Variants in HTR2A observed in about 807,000 individuals in gnomAD.
HTR2A encodes 5-hydroxytryptamine receptor 2A.
HTR2A carries 14 observed loss-of-function variants against 31.0 expected under a neutral mutation model. That is an observed-to-expected ratio of 0.45 (90% CI 0.30 to 0.71). HTR2A has a LOEUF of 0.71. HTR2A is among the 30% of genes least tolerant of loss of function. The probability of loss-of-function intolerance (pLI) is 0.09; values close to 1 mark genes in which losing one functional copy is unlikely to be tolerated. For missense variants in HTR2A, 442 were observed against 573.3 expected (o/e 0.77, Z 2.34); for synonymous variants, 209 against 225.2 (o/e 0.93, Z 0.64).
intron 3 of HTR2A, among the ~76,000 whole-genome samples, chr13:46,864,429 A>G (rs1950804428): frequency 6.6e-6 from 1 of 152,128 alleles, no homozygotes; most frequent in African/African-American, 2.4e-5. Flanking sequence ...GTAATTATAA[A>G]TTCTTTCTTT....
At chr13:46,862,705 C>T (rs1338069010) in intron 3 of HTR2A, among the ~76,000 whole-genome samples, 2 of 152,148 alleles carry the variant, frequency 1.3e-5, no homozygotes, top group African/African-American at 4.8e-5. Flanking sequence ...TCTAGAAGTG[C>T]CCTCTAGTTG....
chr13:46,853,702 C>A (rs1240886324), intron 3 of HTR2A, among the ~76,000 whole-genome samples: 3 of 152,102 alleles, frequency 2.0e-5, no homozygotes, highest in Non-Finnish European at 2.9e-5. Flanking sequence ...GGCAGGCAGG[C>A]CCCTGTCCAG....
chr13:46,886,147 G>C (rs1488669562), intron 3 of HTR2A, among the ~76,000 whole-genome samples: 1 of 152,074 alleles, frequency 6.6e-6, no homozygotes, highest in African/African-American at 2.4e-5. Context: ...AGGTTATTTA[G>C]AAATTATTGG....
chr13:46,840,121 T>C lies in HTR2A; in HGVS notation c.614-4482A>G, dbSNP rs530144730. ...ATAGGTTTCTGTTTCCCCAAACTGC[T>C]ACCTTTTCTTTGAATTTTAATGCAT... On this transcript the variant is annotated intron_variant, in intron 3 of 3. Transcript: ENST00000542664. 5.3e-5 allele frequency among the ~76,000 whole-genome samples: 8 copies of C among 152,294 alleles called. No homozygotes were observed. The South Asian group carries it at 1.7e-3, about 32-fold the overall frequency.
At chr13:46,861,085 T>C (rs1438524198) in intron 3 of HTR2A, among the ~76,000 whole-genome samples, 4 of 152,120 alleles carry the variant, frequency 2.6e-5, no homozygotes, top group Admixed American at 2.6e-4. Flanking sequence ...AGTGGGAAAA[T>C]ACAAATTTAT....
chr13:46,874,372 C>A (rs1227475691), intron 3 of HTR2A, among the ~76,000 whole-genome samples: 2 of 152,238 alleles, frequency 1.3e-5, no homozygotes, highest in African/African-American at 4.8e-5. Context: ...GGAAAAACCA[C>A]AAGGGCCTCT....
At chr13:46,866,255 T>C (rs2138220736) in intron 3 of HTR2A, among the ~76,000 whole-genome samples, 1 of 152,288 alleles carries the variant, frequency 6.6e-6, no homozygotes, top group Admixed American at 6.5e-5. Context: ...CTCAGTTAGA[T>C]TAAGCAATCA....
intron 3 of HTR2A, among the ~76,000 whole-genome samples, chr13:46,849,581 G>A (rs1042966620): frequency 1.3e-5 from 2 of 151,942 alleles, no homozygotes; most frequent in South Asian, 4.2e-4. Context: ...CTTCAACCCC[G>A]TAAGCTGGTT....
rs780537859 is a variant in HTR2A at position 46,835,654 on chromosome 13, A to G, written c.614-15T>C. 3.8e-6 allele frequency: 6 copies of G among 1,571,030 alleles called. 1 individual carries two copies. The highest frequency in any genetic ancestry group is 1.4e-5 in the African/African-American group (1 of 73,264). On this transcript the variant is annotated splice_polypyrimidine_tract_variant and intron_variant, in intron 3 of 3. Coordinates refer to ENST00000542664, the MANE Select transcript of HTR2A (RefSeq NM_000621.5). Reference sequence around the variant, plus strand: ...CATGGATATACCTGGAGTTGAACAGAAAATGAAACATGATTATTAAGGAAT... The same window carrying G: ...CATGGATATACCTGGAGTTGAACAGGAAATGAAACATGATTATTAAGGAAT...
intron 3 of HTR2A, among the ~76,000 whole-genome samples, chr13:46,840,251 G>A (rs1950587540): frequency 6.6e-6 from 1 of 152,108 alleles, no homozygotes; most frequent in Admixed American, 6.6e-5. Flanking sequence ...AAGAAGAATT[G>A]AATATATAGG....
At chr13:46,873,934 A>G (rs768291296) in intron 3 of HTR2A, among the ~76,000 whole-genome samples, 1 of 152,202 alleles carries the variant, frequency 6.6e-6, no homozygotes, top group African/African-American at 2.4e-5. Context: ...ACCAGAATCT[A>G]AAAGAAGTTC....
chr13:46,871,277 A>C (rs1337985388), intron 3 of HTR2A, among the ~76,000 whole-genome samples: 1 of 152,234 alleles, frequency 6.6e-6, no homozygotes, highest in African/African-American at 2.4e-5. Flanking sequence ...CCAAATCCAT[A>C]AATTCAGTGG....
chr13:46,896,755 G>A lies in HTR2A; in HGVS notation c.-410C>T. 2.0e-6 allele frequency: 3 copies of A among 1,535,400 alleles called. No individual in the cohort carries two copies. Among genetic ancestry groups the A allele is most frequent in the South Asian group, 1.2e-5 (1 of 84,008 alleles). On this transcript the variant is annotated 5_prime_UTR_variant, in exon 1 of 4. Coordinates refer to ENST00000542664, the MANE Select transcript of HTR2A (RefSeq NM_000621.5). ...CTCTCACAGTAATTAAACTGGTGTAGAGTCCCCTCTTCTTGATCTTCCACC... is the reference window on the plus strand; with the variant it reads ...CTCTCACAGTAATTAAACTGGTGTAAAGTCCCCTCTTCTTGATCTTCCACC...
chr13:46,848,087 C>T (rs1040568736), intron 3 of HTR2A, among the ~76,000 whole-genome samples: 5 of 152,190 alleles, frequency 3.3e-5, no homozygotes, highest in African/African-American at 7.2e-5. Flanking sequence ...TTTGGTTTTA[C>T]TGTCTTTCAG....
chr13:46,839,259 T>A (rs546951954), intron 3 of HTR2A, among the ~76,000 whole-genome samples: 1 of 152,286 alleles, frequency 6.6e-6, no homozygotes, highest in East Asian at 1.9e-4. Context: ...CGTATACCAT[T>A]CTTTTTCCAT....
At chr13:46,864,965 T>C (rs1056196034) in intron 3 of HTR2A, among the ~76,000 whole-genome samples, 4 of 152,008 alleles carry the variant, frequency 2.6e-5, no homozygotes, top group African/African-American at 9.7e-5. Flanking sequence ...GGTTGGAAGA[T>C]GATTTTGTCT....
At chr13:46,856,572 A>C (rs1950739368) in intron 3 of HTR2A, among the ~76,000 whole-genome samples, 1 of 151,796 alleles carries the variant, frequency 6.6e-6, no homozygotes, top group Admixed American at 6.6e-5. Flanking sequence ...ATCCTTCCCC[A>C]GTAGGCTTTA....
chr13:46,843,103 T>C (rs1339343081), intron 3 of HTR2A, among the ~76,000 whole-genome samples: 1 of 152,190 alleles, frequency 6.6e-6, no homozygotes, highest in Non-Finnish European at 1.5e-5. Flanking sequence ...AGTCACTTAG[T>C]AGCCATTTCA....
intron 3 of HTR2A, among the ~76,000 whole-genome samples, chr13:46,857,199 C>T (rs890562647): frequency 3.3e-5 from 5 of 151,312 alleles, no homozygotes; most frequent in African/African-American, 1.2e-4. Flanking sequence ...ACTCAGGAGG[C>T]TAGGCAGAAG....
Sources: gnomAD v4.1 joint callset for allele counts (sites outside exome capture counted in the v4.1 genomes callset) on GRCh38, gnomAD v4.1.1 for gene constraint, MANE v1.5 for transcripts, NCBI Gene and HGNC (gene_info 2026-07-23, HGNC 2026-07-21) for gene names.